Variants in LACRT observed in about 807,000 individuals in gnomAD.
LACRT encodes the protein extracellular glycoprotein lacritin.
A neutral mutation model predicts 14.5 loss-of-function variants in LACRT; 14 were observed. That is an observed-to-expected ratio of 0.96 (90% confidence interval 0.64 to 1.51). The LOEUF (loss-of-function observed/expected upper bound fraction) is 1.51, where lower values mean the gene tolerates loss of function less well. Ranked by LOEUF, LACRT falls within the 40% of genes most tolerant of loss-of-function variation. The pLI is 0.00. For missense variants in LACRT, 156 were observed against 161.8 expected, an observed-to-expected ratio of 0.96 and a Z score of 0.19; for synonymous variants, 70 against 63.5, an observed-to-expected ratio of 1.10 and a Z score of -0.48.
chr12:54,634,385 C>T (rs951805145), intron 1 of LACRT, among the ~76,000 whole-genome samples: 3 of 151,800 alleles, frequency 2.0e-5, no homozygotes, highest in Non-Finnish European at 4.4e-5. Flanking sequence ...ATCCCTTCCT[C>T]CTAAGAGACA....
At chr12:54,634,682 C>T (rs910384229) in intron 1 of LACRT, 102 bp downstream of exon 1, 32 of 1,141,866 alleles carry the variant, frequency 2.8e-5, no homozygotes, top group Non-Finnish European at 4.2e-5. Context: ...GGCAGGGAAA[C>T]CAGAATAGCA....
chr12:54,631,503 A>T (rs1156359538), intron 4 of LACRT, among the ~76,000 whole-genome samples: 2 of 152,212 alleles, frequency 1.3e-5, no homozygotes, highest in Non-Finnish European at 2.9e-5. Context: ...GGCCTCCCAA[A>T]GTGCTGGGAT....
At chr12:54,634,711 G>T in intron 1 of LACRT, 73 bp downstream of exon 1, 5 of 1,322,928 alleles carry the variant, frequency 3.8e-6, no homozygotes, top group Non-Finnish European at 5.5e-6. Context: ...GGAGGAGAGG[G>T]GTGAAGGCAG....
chr12:54,632,512 G>A, intron 2 of LACRT, 131 bp from the exon 3 acceptor site: 2 of 1,040,936 alleles, frequency 1.9e-6, no homozygotes, highest in Non-Finnish European at 2.8e-6. Flanking sequence ...CTTAAACGCT[G>A]CCCCCTTAAG....
chr12:54,631,641 G>A (rs1232644704), intron 4 of LACRT, 97 bp downstream of exon 4: 8 of 855,868 alleles, frequency 9.3e-6, no homozygotes, highest in Non-Finnish European at 1.6e-5. Flanking sequence ...CATATGTGAG[G>A]TGGAAATGGG....
chr12:54,634,767 G>T lies in LACRT; in HGVS notation c.58+17C>A, dbSNP rs1006011487. On this transcript the variant is annotated intron_variant, in intron 1 of 4. Transcript: ENST00000257867. ...TGGGAGGACTCTTGTGGGGCGCAGA[G>T]GAAAGGCCATACTCACCAGCATAGA... The T allele has an allele frequency of 6.2e-7, 1 of 1,611,896 alleles. No homozygotes were observed. Among genetic ancestry groups the T allele is most frequent in the South Asian group, 1.1e-5 (1 of 91,022 alleles).
In LACRT at chr12:54,632,352, C is replaced by T; in HGVS notation, c.142G>A (p.Ala48Thr). The T allele has an allele frequency of 1.2e-6, 2 of 1,614,130 alleles. No individual in the cohort carries two copies. The highest frequency in any genetic ancestry group is 2.2e-5 in the East Asian group (1 of 44,882). ...SKPNEEISGP[A>T]EPASPPETTT... is the part of the protein sequence containing the mutation. Reference sequence around the variant, plus strand: ...GTCTCTGGGGGTGAAGCTGGTTCTGCTGGACCTGAGATCTCTTCATTAGGC... The same window carrying T: ...GTCTCTGGGGGTGAAGCTGGTTCTGTTGGACCTGAGATCTCTTCATTAGGC... Residue 48 changes from alanine (A) to threonine (T), a missense_variant, in exon 3 of 5, where the codon GCA becomes ACA. Ala to Thr is a moderately conservative substitution (Grantham distance 58). Transcript: ENST00000257867.
rs1958163432 is a variant in LACRT, at chr12:54,633,051, C to T, written c.112+129G>A. On this transcript the variant is annotated intron_variant, in intron 2 of 4. Coordinates refer to ENST00000257867, the MANE Select transcript of LACRT (RefSeq NM_033277.2). ...CACCTTCTTTATTATATTACCTGCCCCTCCCCATTACCACCAAGCACAGAA... is the reference window on the plus strand; with the variant it reads ...CACCTTCTTTATTATATTACCTGCCTCTCCCCATTACCACCAAGCACAGAA... 1.8e-5 allele frequency: 16 copies of T among 889,694 alleles called. No homozygotes were observed. The South Asian group carries it at 2.1e-4, about 12-fold the overall frequency. 55.1% of individuals were successfully genotyped at this position (889,694 alleles called of 1,614,324 possible).
At chr12:54,633,671 A>G (rs1958168327) in intron 1 of LACRT, among the ~76,000 whole-genome samples, 2 of 152,068 alleles carry the variant, frequency 1.3e-5, no homozygotes, top group Non-Finnish European at 2.9e-5. Flanking sequence ...TCAACACAAC[A>G]TTTATGCAAA....
At chr12:54,633,640 G>A (rs1958168153) in intron 1 of LACRT, among the ~76,000 whole-genome samples, 1 of 152,132 alleles carries the variant, frequency 6.6e-6, no homozygotes, top group African/African-American at 2.4e-5. Context: ...TGAGACCCCA[G>A]CCTTGATTCC....
intron 1 of LACRT, among the ~76,000 whole-genome samples, chr12:54,633,884 T>C (rs2121272702): frequency 6.6e-6 from 1 of 152,254 alleles, no homozygotes; most frequent in East Asian, 1.9e-4. Flanking sequence ...GGGAATTATA[T>C]GTAAACTGAG....
intron 4 of LACRT, 141 bp from the exon 5 acceptor site, chr12:54,631,094 G>A (rs1958149702): frequency 1.6e-6 from 1 of 642,714 alleles, no homozygotes; most frequent in African/African-American, 1.8e-5. Flanking sequence ...GAGGGATTGA[G>A]ATTAGATTCA....
At chr12:54,632,450 G>A in intron 2 of LACRT, 69 bp from the exon 3 acceptor site, 1 of 1,582,546 alleles carries the variant, frequency 6.3e-7, no homozygotes, top group Non-Finnish European at 8.6e-7. Flanking sequence ...TGGGTTGCAG[G>A]GCCCCAGGAT....
chr12:54,633,772 A>G (rs903022698), intron 1 of LACRT, among the ~76,000 whole-genome samples: 3 of 152,168 alleles, frequency 2.0e-5, no homozygotes, highest in African/African-American at 7.2e-5. Flanking sequence ...TTACGAAATT[A>G]TTTAATGGCT....
chr12:54,631,932 C>T (rs1037073224), intron 3 of LACRT, 93 bp from the exon 4 acceptor site: 10 of 753,854 alleles, frequency 1.3e-5, no homozygotes, highest in African/African-American at 3.7e-5. Flanking sequence ...CCCCCACCCC[C>T]ACTCCACCCA....
intron 3 of LACRT, 73 bp downstream of exon 3, chr12:54,632,168 G>C (rs1476797952): frequency 6.5e-7 from 1 of 1,550,262 alleles, no homozygotes; most frequent in African/African-American, 1.4e-5. Context: ...ATCTCTGTGC[G>C]TGGAGGTGTG....
intron 3 of LACRT, 161 bp downstream of exon 3, chr12:54,632,080 T>A (rs924567749): frequency 1.3e-6 from 1 of 775,238 alleles, no homozygotes. Context: ...GTGAAAACGT[T>A]GTGTGTGGGT....
intron 4 of LACRT, among the ~76,000 whole-genome samples, chr12:54,631,494 G>A (rs982059306): frequency 3.9e-5 from 6 of 152,182 alleles, no homozygotes; most frequent in Admixed American, 6.5e-5. Flanking sequence ...ACCTGCCTTG[G>A]CCTCCCAAAG....
At chr12:54,632,466 A>G (rs1592196524) in intron 2 of LACRT, 85 bp from the exon 3 acceptor site, 1 of 1,511,882 alleles carries the variant, frequency 6.6e-7, no homozygotes, top group East Asian at 2.3e-5. Context: ...AGGATACCTA[A>G]TGTGTGCTGG....
Sources: allele counts gnomAD v4.1 joint callset (sites outside exome capture counted in the v4.1 genomes callset), GRCh38; gene constraint gnomAD v4.1.1; transcripts MANE v1.5; gene names NCBI Gene and HGNC (gene_info 2026-07-23, HGNC 2026-07-21).